Variants in FMN1 observed in about 807,000 individuals in gnomAD.
FMN1 encodes formin 1.
FMN1 carries 110 observed loss-of-function variants against 132.4 expected under a neutral mutation model. The ratio of observed to expected loss-of-function variants is 0.83; its 90% CI spans 0.71 to 0.97. FMN1 has a LOEUF of 0.97. FMN1 is among the 50% of genes least tolerant of loss of function. FMN1 has a pLI of 0.00. For missense variants in FMN1, 1,792 were observed against 1,705.3 expected, an observed-to-expected ratio of 1.05 and a Z score of -0.90; for synonymous variants, 722 against 651.7, an observed-to-expected ratio of 1.11 and a Z score of -1.64.
intron 17 of FMN1, among the ~76,000 whole-genome samples, chr15:32,839,117 G>C (rs1158230725): frequency 2.6e-5 from 4 of 152,148 alleles, no homozygotes; most frequent in Non-Finnish European, 1.5e-5. Context: ...ACTCTCATGA[G>C]AAAGTGCCCC....
At position 33,096,242 on chromosome 15, in the gene FMN1, G is replaced by C. The variant is rs763087416; in HGVS notation, c.1868-7268C>G. On this transcript the variant is annotated intron_variant, in intron 4 of 20. Transcript: ENST00000616417. ...CTGTATAATCTTAGTTCCCACCTTT[G>C]CCTTAGCTCCATCCCAGGTGTTTGG... Among the ~76,000 whole-genome samples, 3 of 152,268 alleles carry C rather than the reference G, an allele frequency of 2.0e-5. No homozygotes were observed. In the East Asian group the frequency reaches 5.8e-4, roughly 29 times the overall value.
chr15:33,035,656 G>C (rs1367923540), intron 6 of FMN1, among the ~76,000 whole-genome samples: 1 of 152,050 alleles, frequency 6.6e-6, no homozygotes, highest in Non-Finnish European at 1.5e-5. Context: ...ATTTAAAACT[G>C]CAACCAGCCC....
intron 3 of FMN1, among the ~76,000 whole-genome samples, chr15:33,167,679 C>T (rs1283972452): frequency 6.6e-6 from 1 of 152,170 alleles, no homozygotes; most frequent in African/African-American, 2.4e-5. Context: ...TTACTGATAA[C>T]ATAAACAGTT....
intron 17 of FMN1, among the ~76,000 whole-genome samples, chr15:32,816,127 C>T (rs964078273): frequency 1.3e-5 from 2 of 152,178 alleles, no homozygotes; most frequent in African/African-American, 4.8e-5. Context: ...CTTGTGCAGC[C>T]TTTCTTGGGT....
At chr15:32,878,930 T>C (rs2059700235) in intron 16 of FMN1, among the ~76,000 whole-genome samples, 1 of 152,178 alleles carries the variant, frequency 6.6e-6, no homozygotes, top group African/African-American at 2.4e-5. Context: ...CAGGACAACA[T>C]AACTCATCCT....
In FMN1 at chr15:32,960,146, C is replaced by A. The variant is rs180841360; in HGVS notation, c.3138+3961G>T. ...AATACATTCTATGTAAATCAGCTGA[C>A]CTTTTTTTGCCCGGATTTGTCTGGA... On this transcript the variant is annotated intron_variant, in intron 9 of 20. Coordinates refer to ENST00000616417, the MANE Select transcript of FMN1 (RefSeq NM_001277313.2). Among the ~76,000 whole-genome samples the A allele has an allele frequency of 5.9e-5, 9 of 152,136 alleles. No individual in the cohort carries two copies. The East Asian group carries it at 1.8e-3, about 30-fold the overall frequency.
At chr15:32,777,669 T>TAACACATTTATATATTACGTATAAC (rs2056487957) in intron 19 of FMN1, among the ~76,000 whole-genome samples, 2 of 141,100 alleles carry the variant, frequency 1.4e-5, no homozygotes, top group South Asian at 2.2e-4. Context: ...ACGTATAACA[T>TAACACATTTATATATTACGTATAAC]AACACATTTA....
intron 6 of FMN1, chr15:33,013,210 C>T (rs2034833672): frequency 3.2e-6 from 1 of 316,458 alleles, no homozygotes; most frequent in Admixed American, 4.2e-5. Context: ...ATGTTTTATA[C>T]AATACTCCCG....
chr15:32,901,044 C>T (rs1230104586), intron 13 of FMN1, among the ~76,000 whole-genome samples: 1 of 152,030 alleles, frequency 6.6e-6, no homozygotes, highest in South Asian at 2.1e-4. Context: ...ATCCCAGCTA[C>T]CTGGGAGGCT....
At chr15:33,112,060 G>A (rs2039728030) in intron 4 of FMN1, among the ~76,000 whole-genome samples, 1 of 151,994 alleles carries the variant, frequency 6.6e-6, no homozygotes, top group Admixed American at 6.6e-5. Flanking sequence ...CAAAGTTTTT[G>A]TATCTTTTTA....
At chr15:33,165,253 C>T (rs1965051417) in intron 3 of FMN1, among the ~76,000 whole-genome samples, 1 of 152,148 alleles carries the variant, frequency 6.6e-6, no homozygotes, top group African/African-American at 2.4e-5. Flanking sequence ...TGAACACATT[C>T]TGTGGAGTTT....
intron 5 of FMN1, among the ~76,000 whole-genome samples, chr15:33,074,878 C>T (rs575979212): frequency 4.0e-4 from 60 of 151,674 alleles, no homozygotes; most frequent in Non-Finnish European, 7.1e-4. Context: ...ATTAGCCAGG[C>T]GTGGTGGTGG....
At position 32,813,393 on chromosome 15, in the gene FMN1, AC is replaced by A. The variant is rs1338380012; in HGVS notation, c.3929-9062del. Reference sequence around the variant, plus strand: ...ATTGGGATCTAAATGAAGTATATTTACCCACACTTTTTCAGAAGTAAACTCA... The same window carrying A: ...ATTGGGATCTAAATGAAGTATATTTACCACACTTTTTCAGAAGTAAACTCA... On this transcript the variant is annotated intron_variant, in intron 17 of 20. Transcript: ENST00000616417. 7.8e-4 allele frequency among the ~76,000 whole-genome samples: 119 copies of A among 152,344 alleles called. 2 individuals are homozygous for A. The highest frequency in any genetic ancestry group is 7.6e-4 in the Non-Finnish European group (52 of 68,040).
At chr15:32,908,755 T>A (rs1006642528) in intron 11 of FMN1, among the ~76,000 whole-genome samples, 177 bp from the exon 12 acceptor site, 1 of 151,826 alleles carries the variant, frequency 6.6e-6, no homozygotes, top group African/African-American at 2.4e-5. Flanking sequence ...ACACAAGAAC[T>A]TGGGGTGTGG....
chr15:32,877,286 CA>C (rs2059659775), intron 16 of FMN1, among the ~76,000 whole-genome samples: 1 of 113,032 alleles, frequency 8.8e-6, no homozygotes, highest in African/African-American at 3.9e-5. Context: ...TATTCTGTCT[CA>C]GGAAAAAAAA....
chr15:32,887,601 G>A (rs748888695), intron 16 of FMN1, among the ~76,000 whole-genome samples: 3 of 152,110 alleles, frequency 2.0e-5, no homozygotes, highest in South Asian at 2.1e-4. Flanking sequence ...AAACATACAG[G>A]AACATGTGTG....
chr15:33,022,586 T>C lies in FMN1; in HGVS notation c.2162-14511A>G, dbSNP rs199918397. ...CTATGTAACAATGAAAATTATAACA[T>C]AAAGCAAGTAAAAGACACAGACAAG... On this transcript the variant is annotated intron_variant, in intron 6 of 20. Coordinates refer to ENST00000616417, the MANE Select transcript of FMN1 (RefSeq NM_001277313.2). Among the ~76,000 whole-genome samples the C allele has an allele frequency of 4.6e-5, 7 of 152,266 alleles. No homozygotes were observed. The East Asian group carries it at 1.2e-3, about 25-fold the overall frequency.
rs754507704 is a variant in FMN1 at position 33,154,243 on chromosome 15, C to T, written c.672G>A (p.Gly224=). The stretch of plus-strand genomic sequence containing the variant: ...TCCTCTGCAGGGAGCAGGCAAGTGC[C>T]CCATTCGGGAGCAGATTTCCTTTCT... ...LEEKGNLLPN[G]ALACSLQRRE... The change falls in exon 4 of 21, where the codon GGG becomes GGA. Residue 224 remains glycine (G), a synonymous_variant. Transcript: ENST00000616417. 2.0e-6 allele frequency: 3 copies of T among 1,536,176 alleles called. No individual in the cohort carries two copies. The highest frequency in any genetic ancestry group is 1.7e-6 in the Non-Finnish European group (2 of 1,146,940).
intron 16 of FMN1, among the ~76,000 whole-genome samples, chr15:32,857,812 C>T (rs768853034): frequency 4.6e-5 from 7 of 152,180 alleles, no homozygotes; most frequent in African/African-American, 7.2e-5. Flanking sequence ...TGGATAGTTA[C>T]GATTTGTCTA....
Sources: allele counts gnomAD v4.1 joint callset (sites outside exome capture counted in the v4.1 genomes callset), GRCh38; gene constraint gnomAD v4.1.1; transcripts MANE v1.5; gene names NCBI Gene and HGNC (gene_info 2026-07-23, HGNC 2026-07-21).